Variants in DNER observed in about 807,000 individuals in gnomAD.
DNER encodes the protein delta and Notch-like epidermal growth factor-related receptor.
DNER carries 33 observed loss-of-function variants against 78.2 expected under a neutral mutation model. That is an observed-to-expected ratio of 0.42 (90% CI 0.32 to 0.56). The LOEUF (loss-of-function observed/expected upper bound fraction) is 0.56. Ranked by LOEUF, DNER falls within the 20% of genes least tolerant of loss-of-function variation. DNER has a pLI of 0.11. For synonymous variants in DNER, 417 were observed against 384.8 expected (o/e 1.08, Z -0.98); for missense variants, 918 against 975.3 (o/e 0.94, Z 0.78).
chr2:229,652,585 A>AC (rs1241585537), intron 1 of DNER, among the ~76,000 whole-genome samples: 1 of 152,218 alleles, frequency 6.6e-6, no homozygotes, highest in Non-Finnish European at 1.5e-5. Context: ...TGAAAGAGAT[A>AC]CCACAAAGGG....
chr2:229,358,527 A>G lies in DNER; in HGVS notation c.*13T>C. The G allele has an allele frequency of 1.9e-6, 3 of 1,585,906 alleles. No homozygotes were observed. Among genetic ancestry groups the G allele is most frequent in the Non-Finnish European group, 2.6e-6 (3 of 1,164,922 alleles). ...TAGTATCTCATCTTTTTGAAAAATAATCCAAAAAAAGATTACAAATCTTTA... is the reference window on the plus strand; with the variant it reads ...TAGTATCTCATCTTTTTGAAAAATAGTCCAAAAAAAGATTACAAATCTTTA... On this transcript the variant is annotated 3_prime_UTR_variant, in exon 13 of 13. Transcript: ENST00000341772.
At chr2:229,468,541 C>T (rs530877600) in intron 7 of DNER, among the ~76,000 whole-genome samples, 1 of 152,240 alleles carries the variant, frequency 6.6e-6, no homozygotes, top group South Asian at 2.1e-4. Context: ...CTCACTTTGA[C>T]CCCCTATGAT....
chr2:229,392,838 T>C (rs1693045749), intron 10 of DNER, among the ~76,000 whole-genome samples: 1 of 152,118 alleles, frequency 6.6e-6, no homozygotes, highest in Non-Finnish European at 1.5e-5. Flanking sequence ...AGTCCATTAC[T>C]TTTTTTAAAA....
At chr2:229,626,433 C>A (rs1156477723) in intron 1 of DNER, among the ~76,000 whole-genome samples, 1 of 152,134 alleles carries the variant, frequency 6.6e-6, no homozygotes, top group African/African-American at 2.4e-5. Flanking sequence ...GAAAGATAGA[C>A]AAAGCACAAA....
At chr2:229,639,901 C>A (rs1698587603) in intron 1 of DNER, among the ~76,000 whole-genome samples, 1 of 152,112 alleles carries the variant, frequency 6.6e-6, no homozygotes, top group Admixed American at 6.5e-5. Flanking sequence ...GATAAAATAA[C>A]CCAGAATGCA....
chr2:229,656,116 T>G (rs967617664), intron 1 of DNER, among the ~76,000 whole-genome samples: 1 of 152,162 alleles, frequency 6.6e-6, no homozygotes, highest in Non-Finnish European at 1.5e-5. Flanking sequence ...GATAATGTAT[T>G]ACTGCAGCCC....
chr2:229,610,752 C>A (rs766402197), intron 1 of DNER, among the ~76,000 whole-genome samples: 6 of 152,236 alleles, frequency 3.9e-5, no homozygotes, highest in African/African-American at 1.4e-4. Flanking sequence ...TTTCATGATA[C>A]TTATGCATCT....
At position 229,673,135 on chromosome 2, in the gene DNER, T is replaced by A. The variant is rs139301411; in HGVS notation, c.276+41013A>T. 7.2e-5 allele frequency among the ~76,000 whole-genome samples: 11 copies of A among 152,368 alleles called. No individual in the cohort carries two copies. The East Asian group carries it at 2.1e-3, about 29-fold the overall frequency. ...TTGTGCTACCTTAAGTCTGGCTTTC[T>A]GCTGGATGGTAACGTGATGTGAAAG... On this transcript the variant is annotated intron_variant, in intron 1 of 12. Coordinates refer to ENST00000341772, the MANE Select transcript of DNER (RefSeq NM_139072.4).
intron 10 of DNER, among the ~76,000 whole-genome samples, chr2:229,406,490 C>T (rs902195531): frequency 2.6e-5 from 4 of 152,128 alleles, no homozygotes; most frequent in African/African-American, 4.8e-5. Context: ...TATCTGCCTA[C>T]GTGTCCCAAA....
chr2:229,604,020 G>A (rs1427607779), intron 1 of DNER, among the ~76,000 whole-genome samples: 1 of 152,218 alleles, frequency 6.6e-6, no homozygotes, highest in East Asian at 1.9e-4. Flanking sequence ...AAGCCACAGG[G>A]ACCAGGAGGG....
intron 6 of DNER, among the ~76,000 whole-genome samples, chr2:229,496,549 C>T (rs75728430): frequency 0.12 from 18,964 of 151,920 alleles, 1,325 homozygotes; most frequent in South Asian, 0.2. Context: ...TATATGATGC[C>T]TACCAGAGAT....
chr2:229,428,170 C>A (rs1574839013), intron 8 of DNER, among the ~76,000 whole-genome samples: 1 of 150,686 alleles, frequency 6.6e-6, no homozygotes, highest in African/African-American at 2.5e-5. Context: ...TGGGGGGATA[C>A]AAAATCAGAT....
chr2:229,497,339 A>G (rs1695520491), intron 6 of DNER, among the ~76,000 whole-genome samples: 1 of 152,122 alleles, frequency 6.6e-6, no homozygotes, highest in African/African-American at 2.4e-5. Context: ...AAATAACTAC[A>G]TCAAAAAAGA....
At chr2:229,359,735 A>G (rs369538452) in intron 12 of DNER, among the ~76,000 whole-genome samples, 1 of 151,966 alleles carries the variant, frequency 6.6e-6, no homozygotes, top group East Asian at 1.9e-4. Flanking sequence ...ATGTATGGAG[A>G]TGGGAAGTAG....
intron 1 of DNER, among the ~76,000 whole-genome samples, chr2:229,620,001 T>C (rs1226761448): frequency 6.6e-6 from 1 of 152,206 alleles, no homozygotes; most frequent in Non-Finnish European, 1.5e-5. Flanking sequence ...TCTTTTATTA[T>C]TATGAAGCTG....
chr2:229,551,735 T>C (rs1322935350), intron 4 of DNER, among the ~76,000 whole-genome samples: 2 of 150,256 alleles, frequency 1.3e-5, no homozygotes, highest in African/African-American at 2.5e-5. Flanking sequence ...AGTTCAAGAC[T>C]AGCCTGGCCA....
At position 229,588,431 on chromosome 2, in the gene DNER, G is replaced by C; in HGVS notation, c.643C>G (p.Leu215Val). ...ASSNSSAGGRLVSFEVPQNTS... is the reference protein window; with the variant it reads ...ASSNSSAGGRVVSFEVPQNTS... ...TTCTGTGGCACTTCAAAGGATACCA[G>C]GCGGCCACCCGCAGAGCTGTTAGAA... The change falls in exon 3 of 13, where the codon CTG becomes GTG. Residue 215 changes from leucine to valine, a missense_variant. Physicochemically the swap from Leu to Val is conservative, Grantham distance 32 (BLOSUM62 1). Coordinates refer to ENST00000341772, the MANE Select transcript of DNER (RefSeq NM_139072.4). The C allele has an allele frequency of 1.9e-6, 3 of 1,614,032 alleles. No individual in the cohort carries two copies. In the East Asian group the frequency reaches 6.7e-5, roughly 36 times the overall value.
intron 5 of DNER, among the ~76,000 whole-genome samples, chr2:229,541,383 C>T (rs1696510210): frequency 6.6e-6 from 1 of 152,068 alleles, no homozygotes; most frequent in Non-Finnish European, 1.5e-5. Context: ...GCCACAGTGC[C>T]CAGATATTTG....
At chr2:229,685,756 C>T (rs1699473252) in intron 1 of DNER, among the ~76,000 whole-genome samples, 1 of 152,154 alleles carries the variant, frequency 6.6e-6, no homozygotes, top group South Asian at 2.1e-4. Flanking sequence ...CCATACCAGG[C>T]ACAGAGCAAA....
Sources: allele counts gnomAD v4.1 joint callset (sites outside exome capture counted in the v4.1 genomes callset), GRCh38; gene constraint gnomAD v4.1.1; transcripts MANE v1.5; gene names NCBI Gene and HGNC (gene_info 2026-07-23, HGNC 2026-07-21).